TENM2: variants seen among roughly 807,000 people sequenced by gnomAD.
TENM2 encodes teneurin-2.
Under a neutral mutation model 245.2 loss-of-function variants are expected in TENM2, and 52 were observed. The ratio of observed to expected loss-of-function variants is 0.21; its 90% CI spans 0.17 to 0.27. The LOEUF is 0.27. Among genes scored for constraint, TENM2 ranks in the 10% least tolerant of loss-of-function variants. The probability of loss-of-function intolerance (pLI) is 1.00; values close to 1 mark genes in which losing one functional copy is unlikely to be tolerated. For synonymous variants in TENM2, 1,363 were observed against 1,438.9 expected (o/e 0.95, Z 1.19); for missense variants, 3,046 against 3,666.8 (o/e 0.83, Z 4.37).
chr5:167,220,551 A>T, the TENM2 span, among the ~76,000 whole-genome samples: 1 of 152,174 alleles, frequency 6.6e-6, no homozygotes, highest in African/African-American at 2.4e-5. Context: ...TGATACCTGA[A>T]GCACTGAGCT....
chr5:167,995,357 G>A (rs766565969), intron 5 of TENM2, among the ~76,000 whole-genome samples: 37 of 152,300 alleles, frequency 2.4e-4, no homozygotes, highest in Non-Finnish European at 5.1e-4. Flanking sequence ...CTAGAAGCTG[G>A]ACCTGAGCAT....
intron 25 of TENM2, among the ~76,000 whole-genome samples, chr5:168,228,332 A>C (rs961538013): frequency 3.2e-4 from 48 of 152,202 alleles, no homozygotes; most frequent in Non-Finnish European, 3.1e-4. Flanking sequence ...AGAAGGTAGA[A>C]TCCATCTCCC....
intron 2 of TENM2, among the ~76,000 whole-genome samples, chr5:167,591,444 C>T (rs1484524532): frequency 6.6e-6 from 1 of 152,150 alleles, no homozygotes; most frequent in Non-Finnish European, 1.5e-5. Context: ...ATACTCAAAT[C>T]GGGCAGGCTT....
At chr5:167,005,796 G>A in the TENM2 span, among the ~76,000 whole-genome samples, 9 of 151,256 alleles carry the variant, frequency 6.0e-5, no homozygotes, top group African/African-American at 2.2e-4. Flanking sequence ...TGAGTAGCTG[G>A]GATTACAGGT....
chr5:167,196,544 G>A, the TENM2 span, among the ~76,000 whole-genome samples: 3,103 of 137,060 alleles, frequency 0.023, 117 homozygotes, highest in African/African-American at 0.1. Context: ...GTACATATAT[G>A]TGTGTATATA....
intron 2 of TENM2, among the ~76,000 whole-genome samples, chr5:167,652,812 A>C (rs56340626): frequency 0.043 from 6,576 of 152,228 alleles, 510 homozygotes; most frequent in African/African-American, 0.15. Flanking sequence ...TATTCCTCTG[A>C]GTCATCTAAC....
At chr5:167,130,916 A>ATTT in the TENM2 span, among the ~76,000 whole-genome samples, 41 of 140,262 alleles carry the variant, frequency 2.9e-4, no homozygotes, top group African/African-American at 7.1e-4. Flanking sequence ...TTTTTTTAAA[A>ATTT]AAAAAAAAGA....
the TENM2 span, among the ~76,000 whole-genome samples, chr5:167,098,530 G>A: frequency 3.3e-5 from 5 of 152,126 alleles, no homozygotes; most frequent in African/African-American, 1.2e-4. Context: ...CTCATCTCTT[G>A]CAGCGCTTGT....
chr5:167,621,072 C>A (rs1168324249), intron 2 of TENM2, among the ~76,000 whole-genome samples: 2 of 151,992 alleles, frequency 1.3e-5, no homozygotes, highest in Admixed American at 1.3e-4. Flanking sequence ...ATTTATTTAT[C>A]CTTTGATTTA....
intron 26 of TENM2, among the ~76,000 whole-genome samples, chr5:168,245,037 G>A (rs528308751): frequency 2.0e-4 from 31 of 152,074 alleles, no homozygotes; most frequent in Non-Finnish European, 4.4e-4. Flanking sequence ...AAAGTGCTGG[G>A]ATTACAGGTA....
chr5:167,359,013 G>C (rs567041699), intron 1 of TENM2, among the ~76,000 whole-genome samples: 2 of 151,994 alleles, frequency 1.3e-5, no homozygotes, highest in Non-Finnish European at 2.9e-5. Context: ...CTTTCCATCC[G>C]GACGGGCTGT....
chr5:167,784,985 G>T (rs72832017), intron 2 of TENM2, among the ~76,000 whole-genome samples: 12,207 of 147,292 alleles, frequency 0.083, 552 homozygotes, highest in South Asian at 0.1. Context: ...TTTTTTTTTT[G>T]AATTATTCTC....
the TENM2 span, among the ~76,000 whole-genome samples, chr5:167,272,934 C>T: frequency 6.6e-6 from 1 of 152,110 alleles, no homozygotes; most frequent in Non-Finnish European, 1.5e-5. Flanking sequence ...TTCACCTGTG[C>T]ATCCTTATTG....
At chr5:167,592,658 G>A (rs1582479244) in intron 2 of TENM2, among the ~76,000 whole-genome samples, 2 of 152,086 alleles carry the variant, frequency 1.3e-5, no homozygotes, top group South Asian at 4.1e-4. Flanking sequence ...CCCAACCCTG[G>A]TCCCTTTTAA....
intron 25 of TENM2, among the ~76,000 whole-genome samples, chr5:168,239,591 C>CA (rs1765906805): frequency 6.6e-6 from 1 of 152,130 alleles, no homozygotes; most frequent in Non-Finnish European, 1.5e-5. Context: ...TAATCCCATC[C>CA]AAGCACTAAC....
intron 2 of TENM2, among the ~76,000 whole-genome samples, chr5:167,832,472 G>A (rs569090479): frequency 1.2e-4 from 18 of 152,218 alleles, no homozygotes; most frequent in Non-Finnish European, 2.6e-4. Flanking sequence ...TCAAAATACA[G>A]AGCTGCAATA....
At chr5:168,117,497 A>T (rs775220776) in intron 9 of TENM2, among the ~76,000 whole-genome samples, 7 of 152,356 alleles carry the variant, frequency 4.6e-5, no homozygotes, top group Admixed American at 2.6e-4. Context: ...AGTTAGGCCC[A>T]GTAAGAGATT....
intron 12 of TENM2, among the ~76,000 whole-genome samples, chr5:168,141,211 A>AC (rs1562208059): frequency 6.6e-6 from 1 of 152,128 alleles, no homozygotes; most frequent in Non-Finnish European, 1.5e-5. Flanking sequence ...ACAGCACAAC[A>AC]CAAGTATTCT....
At chr5:168,038,670 G>A (rs965614322) in intron 5 of TENM2, among the ~76,000 whole-genome samples, 9 of 152,202 alleles carry the variant, frequency 5.9e-5, no homozygotes, top group African/African-American at 1.4e-4. Flanking sequence ...CAAGGTATCC[G>A]CTTATGCATA....
Sources: gnomAD v4.1 joint callset for allele counts (sites outside exome capture counted in the v4.1 genomes callset) on GRCh38, gnomAD v4.1.1 for gene constraint, MANE v1.5 for transcripts, NCBI Gene and HGNC (gene_info 2026-07-23, HGNC 2026-07-21) for gene names.